Variants in RYR3 observed in about 807,000 individuals in gnomAD.
The protein encoded by RYR3 is ryanodine receptor 3.
Under a neutral mutation model 584.3 loss-of-function variants are expected in RYR3, and 207 were observed. The ratio of observed to expected loss-of-function variants is 0.35; its 90% CI spans 0.32 to 0.40. The LOEUF is 0.40. RYR3 is among the 10% of genes least tolerant of loss of function. The probability of loss-of-function intolerance (pLI) is 1.00; values close to 1 mark genes in which losing one functional copy is unlikely to be tolerated. For missense variants in RYR3, 5,616 were observed against 6,089.2 expected, an observed-to-expected ratio of 0.92 and a Z score of 2.59; for synonymous variants, 2,416 against 2,248.5, an observed-to-expected ratio of 1.07 and a Z score of -2.11.
At chr15:33,433,037 A>G (rs936793634) in intron 1 of RYR3, among the ~76,000 whole-genome samples, 2 of 152,098 alleles carry the variant, frequency 1.3e-5, no homozygotes, top group African/African-American at 2.4e-5. Context: ...CCTGAGGCCT[A>G]TATTGACCTT....
At position 33,356,355 on chromosome 15, in the gene RYR3, C is replaced by A. The variant is rs552368611; in HGVS notation, c.51+45259C>A. Among the ~76,000 whole-genome samples the A allele has an allele frequency of 1.2e-4, 18 of 152,196 alleles. 2 individuals are homozygous for A. The South Asian group carries it at 3.5e-3, about 30-fold the overall frequency. Reference sequence around the variant, plus strand: ...TGATATGCTGTGTCTAAATTTCAGTCGTTAGTGTTATTTTTGTTTCCATCA... The same window carrying A: ...TGATATGCTGTGTCTAAATTTCAGTAGTTAGTGTTATTTTTGTTTCCATCA... On this transcript the variant is annotated intron_variant, in intron 1 of 103. Coordinates refer to ENST00000634891, the MANE Select transcript of RYR3 (RefSeq NM_001036.6).
Position 33,807,561 on chromosome 15 carries a change from C to A in RYR3, c.10018C>A (p.Gln3340Lys), listed in dbSNP as rs1333654801. ...DSKSKMSKAM[Q>K]VKSGGQDQER... ...CTTTTGTCTTTCCACACAGGCCATG[C>A]AAGTAAAGGTACAGGTCAAATGCAT... is the stretch of plus-strand genomic sequence containing the variant. Residue 3340 changes from glutamine (Q) to lysine (K), a missense_variant, in exon 70 of 104, where the codon CAA becomes AAA. Physicochemically the swap from Gln to Lys is moderately conservative, Grantham distance 53. Transcript: ENST00000634891. The A allele has an allele frequency of 8.4e-6, 13 of 1,551,920 alleles. No homozygotes were observed. The highest frequency in any genetic ancestry group is 1.7e-4 in the Middle Eastern group (1 of 5,992).
At chr15:33,510,978 G>C (rs8026335) in intron 3 of RYR3, among the ~76,000 whole-genome samples, 1 of 151,968 alleles carries the variant, frequency 6.6e-6, no homozygotes, top group Admixed American at 6.6e-5. Context: ...CATGATTTTT[G>C]GTTAAAATAT....
At position 33,857,790 on chromosome 15, in the gene RYR3, C is replaced by T; in HGVS notation, c.14018C>T (p.Thr4673Ile). 1 of 1,614,052 alleles carries T rather than the reference C, an allele frequency of 6.2e-7. No homozygotes were observed. Residue 4673 changes from threonine to isoleucine, a missense_variant, in exon 99 of 104, where the codon ACT (threonine) becomes ATT (isoleucine). Physicochemically the swap from Thr to Ile is moderately conservative, Grantham distance 89. This residue lies in a region of RYR3 where 918 missense variants were observed against 887.4 expected (regional missense o/e 1.03). Coordinates refer to ENST00000634891, the MANE Select transcript of RYR3 (RefSeq NM_001036.6). ...VTHNGKQLVL[T>I]VGLLAVVVYL... ...TCCTCTCATTCCCAGTTGGTTCTGA[C>T]TGTCGGTCTCCTGGCCGTGGTGGTT...
chr15:33,755,771 T>G (rs890512892), intron 58 of RYR3, among the ~76,000 whole-genome samples: 4 of 152,212 alleles, frequency 2.6e-5, no homozygotes, highest in African/African-American at 7.2e-5. Flanking sequence ...GAAACTGCTT[T>G]CTTTCTTTTT....
At chr15:33,715,682 T>A (rs2152800241) in intron 43 of RYR3, among the ~76,000 whole-genome samples, 1 of 152,336 alleles carries the variant, frequency 6.6e-6, no homozygotes, top group Middle Eastern at 3.4e-3. Context: ...GTAAGATTGA[T>A]GTCTGGGAGG....
intron 16 of RYR3, among the ~76,000 whole-genome samples, chr15:33,601,066 TC>T (rs2059634752): frequency 6.6e-6 from 1 of 152,112 alleles, no homozygotes; most frequent in Non-Finnish European, 1.5e-5. Context: ...CACACCTTAG[TC>T]CTGGCCTAGC....
At chr15:33,516,752 A>G (rs942637511) in intron 3 of RYR3, among the ~76,000 whole-genome samples, 25 of 152,126 alleles carry the variant, frequency 1.6e-4, no homozygotes, top group African/African-American at 5.3e-4. Flanking sequence ...GAGTCAGACA[A>G]TATGCTATCC....
chr15:33,803,324 T>G (rs1706185980), intron 69 of RYR3, among the ~76,000 whole-genome samples: 2 of 152,244 alleles, frequency 1.3e-5, no homozygotes, highest in Admixed American at 1.3e-4. Context: ...GAATTCATTT[T>G]GCATTTGTCT....
At position 33,513,915 on chromosome 15, in the gene RYR3, T is replaced by G. The variant is rs1030374325; in HGVS notation, c.279+10177T>G. ...ACTGTTTTTTAGTACCCTTCCTATA[T>G]TGATGATTAGTTTCATTCCTGTGGT... is the stretch of plus-strand genomic sequence containing the variant. On this transcript the variant is annotated intron_variant, in intron 3 of 103. Transcript: ENST00000634891. 6.6e-5 allele frequency among the ~76,000 whole-genome samples: 10 copies of G among 152,322 alleles called. No individual in the cohort carries two copies. In the South Asian group the frequency reaches 1.9e-3, roughly 28 times the overall value.
Position 33,860,683 on chromosome 15 carries a change from C to G in RYR3, c.14364+24C>G, listed in dbSNP as rs1429772353. 3.3e-6 allele frequency: 5 copies of G among 1,499,558 alleles called. No individual in the cohort carries two copies. The African/African-American group carries it at 4.2e-5, about 13-fold the overall frequency. The allele number at this position is 1,499,558 out of a possible 1,614,324, so 92.9% of individuals were successfully genotyped here. ...AGGTAATGTTACTCTAACTACTAAT[C>G]CCAGCTCTATTTTAATATCCCCAGA... On this transcript the variant is annotated intron_variant, in intron 101 of 103. Transcript: ENST00000634891.
intron 67 of RYR3, among the ~76,000 whole-genome samples, chr15:33,795,122 G>A (rs566304913): frequency 6.6e-6 from 1 of 152,220 alleles, no homozygotes; most frequent in Admixed American, 6.5e-5. Context: ...GCCATCTTGG[G>A]CTTTCCTCTT....
intron 29 of RYR3, 33 bp downstream of exon 29, chr15:33,646,559 T>G (rs766043715): frequency 6.4e-7 from 1 of 1,572,008 alleles, no homozygotes; most frequent in South Asian, 1.2e-5. Flanking sequence ...TCAGAGGCAC[T>G]CATTGTATCT....
chr15:33,482,160 C>G (rs2050033173), intron 2 of RYR3, among the ~76,000 whole-genome samples: 1 of 152,068 alleles, frequency 6.6e-6, no homozygotes, highest in East Asian at 1.9e-4. Flanking sequence ...TTCTTTTTCA[C>G]TGAGAATGTC....
At chr15:33,657,037 C>T (rs946380549) in intron 32 of RYR3, among the ~76,000 whole-genome samples, 10 of 152,164 alleles carry the variant, frequency 6.6e-5, no homozygotes, top group Admixed American at 1.3e-4. Flanking sequence ...AGGGCCTTCT[C>T]GAATCCTGCT....
chr15:33,768,853 T>C (rs2073328099), intron 61 of RYR3, 146 bp downstream of exon 61: 2 of 814,618 alleles, frequency 2.5e-6, no homozygotes, highest in Non-Finnish European at 2.1e-6. Flanking sequence ...ATCTGAAGCA[T>C]GATAAATGAC....
intron 90 of RYR3, 144 bp downstream of exon 90, chr15:33,841,027 G>A: frequency 2.8e-6 from 2 of 714,454 alleles, no homozygotes; most frequent in Non-Finnish European, 4.8e-6. Flanking sequence ...AGACCATCCT[G>A]GGCAACATAA....
chr15:33,617,369 A>ATG (rs2060506227), intron 19 of RYR3, among the ~76,000 whole-genome samples: 1 of 151,724 alleles, frequency 6.6e-6, no homozygotes, highest in Non-Finnish European at 1.5e-5. Context: ...CAGAGATCAC[A>ATG]CCACTGCACT....
At chr15:33,321,307 C>T (rs1968930855) in intron 1 of RYR3, among the ~76,000 whole-genome samples, 1 of 152,134 alleles carries the variant, frequency 6.6e-6, no homozygotes, top group Admixed American at 6.5e-5. Context: ...AAAGCATGGA[C>T]CTAAAGTAAA....
Sources: gnomAD v4.1 joint callset for allele counts (sites outside exome capture counted in the v4.1 genomes callset) on GRCh38, gnomAD v4.1.1 for gene constraint, gnomAD v4.1.1 regional missense constraint, MANE v1.5 for transcripts, NCBI Gene and HGNC (gene_info 2026-07-23, HGNC 2026-07-21) for gene names.